Variants in UNC5A observed in about 807,000 individuals in gnomAD.
The protein encoded by UNC5A is netrin receptor UNC5A.
UNC5A carries 20 observed loss-of-function variants against 87.4 expected under a neutral mutation model. The observed-to-expected ratio is 0.23, with a 90% CI of 0.16 to 0.33. The LOEUF is 0.33. UNC5A is among the 10% of genes least tolerant of loss of function. UNC5A has a pLI of 1.00. For missense variants in UNC5A, 844 were observed against 1,133.4 expected, an observed-to-expected ratio of 0.74 and a Z score of 3.67; for synonymous variants, 438 against 482.3, an observed-to-expected ratio of 0.91 and a Z score of 1.20.
chr5:176,847,807 A>T (rs1297645693), intron 1 of UNC5A, among the ~76,000 whole-genome samples: 1 of 152,106 alleles, frequency 6.6e-6, no homozygotes, highest in East Asian at 1.9e-4. Flanking sequence ...CTTCACCCAA[A>T]GAGGCCCCTG....
chr5:176,868,543 C>T lies in UNC5A; in HGVS notation c.437-18C>T, dbSNP rs374884074. On this transcript the variant is annotated intron_variant, in intron 3 of 14. Transcript: ENST00000329542. ...TGCGAGGCCCTCAGACAGGAGGACA[C>T]TCTCATTCCTCTTCTAGATTTGCGC... is the stretch of plus-strand genomic sequence containing the variant. The T allele has an allele frequency of 6.4e-7, 1 of 1,567,596 alleles. No individual in the cohort carries two copies. The highest frequency in any genetic ancestry group is 1.1e-5 in the South Asian group (1 of 87,262).
At chr5:176,816,359 T>C (rs1372834245) in intron 1 of UNC5A, among the ~76,000 whole-genome samples, 1 of 152,240 alleles carries the variant, frequency 6.6e-6, no homozygotes, top group Non-Finnish European at 1.5e-5. Context: ...TGCTGGCAAA[T>C]AACTCCTATG....
intron 1 of UNC5A, among the ~76,000 whole-genome samples, chr5:176,812,074 C>T (rs1253179698): frequency 1.3e-5 from 2 of 152,108 alleles, no homozygotes; most frequent in Non-Finnish European, 2.9e-5. Context: ...TCCATCCCAC[C>T]CCTTCTATCT....
intron 1 of UNC5A, among the ~76,000 whole-genome samples, chr5:176,858,711 A>AAGAG (rs56714208): frequency 3.1e-5 from 2 of 64,488 alleles, no homozygotes; most frequent in African/African-American, 5.3e-5. Context: ...GAAAGAAAGA[A>AAGAG]AGAGAGAGAG....
intron 1 of UNC5A, among the ~76,000 whole-genome samples, chr5:176,828,219 G>A (rs368121955): frequency 1.3e-5 from 2 of 152,200 alleles, no homozygotes; most frequent in Admixed American, 6.5e-5. Flanking sequence ...GACGCAGTGC[G>A]CGGCTGTGAT....
intron 1 of UNC5A, among the ~76,000 whole-genome samples, chr5:176,845,110 G>T (rs1012906838): frequency 5.9e-5 from 9 of 152,058 alleles, no homozygotes; most frequent in Non-Finnish European, 1.2e-4. Flanking sequence ...CTCCCTCCCC[G>T]CCAGGAGAGT....
rs574883228 is a variant in UNC5A, at chr5:176,878,352, C to T, written c.1978C>T (p.Pro660Ser). 106 of 1,613,654 alleles carry T rather than the reference C, an allele frequency of 6.6e-5. 2 individuals are homozygous for T. Among genetic ancestry groups the T allele is most frequent in the South Asian group, 6.5e-4 (59 of 91,088 alleles). The change falls in exon 12 of 15, where the codon CCC becomes TCC. Residue 660 changes from proline to serine, a missense_variant. By Grantham distance (74) the Pro-to-Ser change is moderately conservative. This residue lies in a region of UNC5A where 177 missense variants were observed against 279.4 expected (regional missense o/e 0.63). Coordinates refer to ENST00000329542, the MANE Select transcript of UNC5A (RefSeq NM_133369.3). ...HNLRLSIHDV[P>S]SSLWKSKLLV... is the part of the protein sequence containing the mutation. ...CCTGCGCCTATCCATCCACGATGTG[C>T]CCAGCTCCCTGTGGAAGAGTAAGCT...
At chr5:176,862,976 T>TCAG in intron 2 of UNC5A, 131 bp downstream of exon 2, 1 of 1,041,904 alleles carries the variant, frequency 9.6e-7, no homozygotes, top group Non-Finnish European at 1.4e-6. Flanking sequence ...GCCACAACCC[T>TCAG]CAGCAGTTTG....
Position 176,875,456 on chromosome 5 carries a change from C to T in UNC5A, c.1378+890C>T, listed in dbSNP as rs931822176. ...CTTGGGGTCACCTTGACCTGCTGCT[C>T]GTCCTCTCTTGCCCCCCGCCAGCTT... On this transcript the variant is annotated intron_variant, in intron 8 of 14. Transcript: ENST00000329542. The surrounding 1 kb of genome is among the most constrained non-coding windows in gnomAD (Gnocchi z 5.2). Among the ~76,000 whole-genome samples the T allele has an allele frequency of 5.3e-5, 8 of 151,790 alleles. No homozygotes were observed. Among genetic ancestry groups the T allele is most frequent in the Middle Eastern group, 3.4e-3 (1 of 294 alleles).
At chr5:176,826,745 A>G (rs1756865398) in intron 1 of UNC5A, among the ~76,000 whole-genome samples, 1 of 142,722 alleles carries the variant, frequency 7.0e-6, no homozygotes. Flanking sequence ...GGTTCACGCC[A>G]TTCTCCTGCC....
At chr5:176,812,187 CAT>C (rs1183240246) in intron 1 of UNC5A, among the ~76,000 whole-genome samples, 1 of 152,154 alleles carries the variant, frequency 6.6e-6, no homozygotes, top group Non-Finnish European at 1.5e-5. Context: ...GTGTCCGCCA[CAT>C]GTGTGTGTTA....
intron 1 of UNC5A, among the ~76,000 whole-genome samples, chr5:176,845,583 G>A (rs995593127): frequency 1.3e-5 from 2 of 152,222 alleles, no homozygotes; most frequent in Admixed American, 6.5e-5. Flanking sequence ...AAGCCTTCCA[G>A]AAATGTCTGC....
rs58515865 is a variant in UNC5A, at chr5:176,839,807, C to CT, written c.71-22791dup. ...CCCACTGTGGCTTCACGGCCACTTC[C>CT]TTTTTTTTTTTTTTTTTTTTTTTTT... On this transcript the variant is annotated intron_variant, in intron 1 of 14. Coordinates refer to ENST00000329542, the MANE Select transcript of UNC5A (RefSeq NM_133369.3). Among the ~76,000 whole-genome samples the CT allele has an allele frequency of 5.2e-3, 638 of 123,874 alleles. 5 individuals carry two copies. The highest frequency in any genetic ancestry group is 8.6e-3 in the African/African-American group (256 of 29,792). The allele number at this position is 123,874 out of a possible 152,430, so 81.3% of individuals were successfully genotyped here. A position where few individuals can be genotyped will look rare whatever the true frequency, so the allele number is the denominator to read the frequency against.
rs1287166481 is a variant in UNC5A at position 176,838,153 on chromosome 5, C to G, written c.71-24471C>G. Among the ~76,000 whole-genome samples the G allele has an allele frequency of 6.6e-6, 1 of 152,100 alleles. No individual in the cohort carries two copies. Reference sequence around the variant, plus strand: ...GGCCCTGCAGGTCATGAAGTGTGAACAATTTATTATTTCTTGCAAACCTGA... The same window carrying G: ...GGCCCTGCAGGTCATGAAGTGTGAAGAATTTATTATTTCTTGCAAACCTGA... On this transcript the variant is annotated intron_variant, in intron 1 of 14. Coordinates refer to ENST00000329542, the MANE Select transcript of UNC5A (RefSeq NM_133369.3). The surrounding 1 kb of genome is among the most constrained non-coding windows in gnomAD (Gnocchi z 4.2).
chr5:176,836,694 A>G (rs2113615007), intron 1 of UNC5A, among the ~76,000 whole-genome samples: 1 of 152,282 alleles, frequency 6.6e-6, no homozygotes, highest in Admixed American at 6.5e-5. Flanking sequence ...CTCCTTCACT[A>G]TGCCCCAGCC....
At chr5:176,877,736 G>A in intron 10 of UNC5A, 33 bp downstream of exon 10, 1 of 1,563,252 alleles carries the variant, frequency 6.4e-7, no homozygotes, top group East Asian at 2.3e-5. Context: ...CTCCAGAAGG[G>A]AACGTGGGCT....
intron 1 of UNC5A, among the ~76,000 whole-genome samples, chr5:176,845,804 G>A (rs1757389586): frequency 6.6e-6 from 1 of 152,218 alleles, no homozygotes; most frequent in Non-Finnish European, 1.5e-5. Flanking sequence ...GCCTCCTCAG[G>A]GAGGTGCCAT....
chr5:176,879,834 G>C lies in UNC5A; in HGVS notation c.2477G>C (p.Gly826Ala). 1 of 1,612,548 alleles carries C rather than the reference G, an allele frequency of 6.2e-7. No homozygotes were observed. Among genetic ancestry groups the C allele is most frequent in the Non-Finnish European group, 8.5e-7 (1 of 1,179,812 alleles). The change falls in exon 15 of 15, where the codon GGA becomes GCA. Residue 826 changes from glycine (G) to alanine (A), a missense_variant. Transcript: ENST00000329542. ...NLSQLAAAVA[G>A]LGQPDAGLFT... ...AGCCAGCTGGCTGCAGCAGTGGCTG[G>C]ACTGGGCCAGCCAGACGCTGGCCTC...
chr5:176,835,262 A>T (rs1581251891), intron 1 of UNC5A, among the ~76,000 whole-genome samples: 1 of 152,174 alleles, frequency 6.6e-6, no homozygotes, highest in Admixed American at 6.5e-5. Context: ...GGTGAAGGTG[A>T]CCTTCCTGCA....
Sources: allele counts gnomAD v4.1 joint callset (sites outside exome capture counted in the v4.1 genomes callset), GRCh38; gene constraint gnomAD v4.1.1; regional missense constraint gnomAD v4.1.1; non-coding constraint Gnocchi (gnomAD v3.1); transcripts MANE v1.5; gene names NCBI Gene and HGNC (gene_info 2026-07-23, HGNC 2026-07-21).